The following HSD11B1 variants were observed in gnomAD, a reference collection of about 807,000 sequenced individuals.
HSD11B1 encodes 11-beta-hydroxysteroid dehydrogenase 1.
In HSD11B1, 15 loss-of-function variants were observed where a neutral mutation model predicts 22.1. The observed-to-expected ratio is 0.68, with a 90% CI of 0.45 to 1.04. HSD11B1 has a LOEUF of 1.04. Ranked by LOEUF, HSD11B1 falls within the 50% of genes least tolerant of loss-of-function variation. The pLI, the probability that HSD11B1 is intolerant of heterozygous loss-of-function variation, is 0.00. For missense variants in HSD11B1, 281 were observed against 357.6 expected (o/e 0.79, Z 1.73); for synonymous variants, 122 against 125.2 (o/e 0.97, Z 0.17).
chr1:209,712,342 C>CA (rs201539416), intron 4 of HSD11B1, among the ~76,000 whole-genome samples: 349 of 148,994 alleles, frequency 2.3e-3, no homozygotes, highest in African/African-American at 8.0e-3. Flanking sequence ...AAATGTGGAT[C>CA]AAAAAAAAAT....
At chr1:209,730,278 T>C (rs2077027580) in intron 4 of HSD11B1, among the ~76,000 whole-genome samples, 1 of 152,236 alleles carries the variant, frequency 6.6e-6, no homozygotes, top group South Asian at 2.1e-4. Flanking sequence ...TCTTCAAGAA[T>C]CCAAGGTCAT....
chr1:209,711,337 TG>T (rs1298627690), intron 4 of HSD11B1, among the ~76,000 whole-genome samples: 1 of 151,678 alleles, frequency 6.6e-6, no homozygotes, highest in Non-Finnish European at 1.5e-5. Context: ...TTATTGGGGG[TG>T]GGGGGATCCC....
chr1:209,686,228 GAAGA>G (rs1313563529), upstream of HSD11B1: 1 of 151,990 alleles, frequency 6.6e-6, no homozygotes, highest in East Asian at 1.9e-4. Context: ...AGAGAGAAGA[GAAGA>G]AAAAGAAAAA....
chr1:209,702,530 CTTGAAGGG>C (rs147694067), upstream of HSD11B1, among the ~76,000 whole-genome samples: 3,181 of 152,246 alleles, frequency 0.021, 50 homozygotes, highest in Non-Finnish European at 0.032. Context: ...CTGAGACCCT[CTTGAAGGG>C]TTGAAAGGTC....
In HSD11B1 at chr1:209,720,245, A is replaced by G. The variant is rs570567617; in HGVS notation, c.518-12191A>G. Among the ~76,000 whole-genome samples, 10 of 152,318 alleles carry G rather than the reference A, an allele frequency of 6.6e-5. No individual in the cohort carries two copies. In the South Asian group the frequency reaches 1.9e-3, roughly 28 times the overall value. Reference sequence around the variant, plus strand: ...TCATGGTTTATTAACATCACCAGTAATGGAATAAATTGAAAACATGTATCA... The same window carrying G: ...TCATGGTTTATTAACATCACCAGTAGTGGAATAAATTGAAAACATGTATCA... On this transcript the variant is annotated intron_variant, in intron 4 of 5. Transcript: ENST00000367027.
intron 4 of HSD11B1, among the ~76,000 whole-genome samples, chr1:209,712,741 T>A (rs951662012): frequency 6.6e-6 from 1 of 152,206 alleles, no homozygotes; most frequent in African/African-American, 2.4e-5. Context: ...TGGAAATATG[T>A]ACCAGAAGCC....
intron 5 of HSD11B1, 22 bp from the exon 6 acceptor site, chr1:209,734,282 C>A (rs2077053623): frequency 5.7e-6 from 9 of 1,589,458 alleles, no homozygotes; most frequent in Non-Finnish European, 7.8e-6. Context: ...GATAACCCTA[C>A]TCTTCCCTTG....
chr1:209,719,019 C>CAAAAAAAA lies in HSD11B1; in HGVS notation c.517+11901_517+11908dup, dbSNP rs56342028. On this transcript the variant is annotated intron_variant, in intron 4 of 5. Coordinates refer to ENST00000367027, the MANE Select transcript of HSD11B1 (RefSeq NM_005525.4). ...TGGGTGACACAGTGAGACTCCATCT[C>CAAAAAAAA]AAAAAAAAAAAAAAAAAGGAAAGAA... is the stretch of plus-strand genomic sequence containing the variant. Among the ~76,000 whole-genome samples the CAAAAAAAA allele has an allele frequency of 3.1e-4, 11 of 35,706 alleles. 2 individuals are homozygous for CAAAAAAAA. The highest frequency in any genetic ancestry group is 3.5e-3 in the South Asian group (2 of 572). 23.4% of individuals were successfully genotyped at this position (35,706 alleles called of 152,430 possible). A position where few individuals can be genotyped will look rare whatever the true frequency, so the allele number is the denominator to read the frequency against.
intron 1 of HSD11B1, among the ~76,000 whole-genome samples, chr1:209,697,769 T>C (rs2076799308): frequency 6.6e-6 from 1 of 152,058 alleles, no homozygotes; most frequent in South Asian, 2.1e-4. Context: ...CCTGAGACCA[T>C]TTCTCAGGTT....
chr1:209,723,106 C>T (rs899570280), intron 4 of HSD11B1, among the ~76,000 whole-genome samples: 1 of 152,150 alleles, frequency 6.6e-6, no homozygotes, highest in Non-Finnish European at 1.5e-5. Flanking sequence ...TGTCTGCCTT[C>T]ATCCTTCTAA....
At chr1:209,722,861 A>G (rs2076975056) in intron 4 of HSD11B1, among the ~76,000 whole-genome samples, 1 of 152,214 alleles carries the variant, frequency 6.6e-6, no homozygotes, top group South Asian at 2.1e-4. Flanking sequence ...GCAGTCTAAA[A>G]TCCATCTTTG....
At chr1:209,711,763 C>T (rs142218008) in intron 4 of HSD11B1, among the ~76,000 whole-genome samples, 12 of 152,116 alleles carry the variant, frequency 7.9e-5, no homozygotes, top group Admixed American at 5.2e-4. Flanking sequence ...TTTAAGAGAT[C>T]GTGTTTGGGC....
chr1:209,706,780 C>A lies in HSD11B1; in HGVS notation c.291C>A (p.Thr97=), dbSNP rs1259722507. ...HYIAGTMEDM[T]FAEQFVAQAG... is the part of the protein sequence containing the mutation. Reference sequence around the variant, plus strand: ...TTGCTGGCACCATGGAAGACATGACCTTCGCAGAGCAATTTGTTGCCCAAG... The same window carrying A: ...TTGCTGGCACCATGGAAGACATGACATTCGCAGAGCAATTTGTTGCCCAAG... Residue 97 remains threonine, a synonymous_variant, in exon 3 of 6, where the codon ACC becomes ACA. Transcript: ENST00000367027. This position sits in a 1 kb window ranked among gnomAD's most constrained non-coding sequence, Gnocchi z 4.0. 1 of 1,614,114 alleles carries A rather than the reference C, an allele frequency of 6.2e-7. No individual in the cohort carries two copies. The highest frequency in any genetic ancestry group is 1.7e-5 in the Admixed American group (1 of 60,024).
chr1:209,725,566 G>T (rs1225661934), intron 4 of HSD11B1, among the ~76,000 whole-genome samples: 1 of 152,160 alleles, frequency 6.6e-6, no homozygotes, highest in African/African-American at 2.4e-5. Flanking sequence ...TTCAGTGACT[G>T]CTCACCCAGC....
At position 209,734,650 on chromosome 1, in the gene HSD11B1, G is replaced by C; in HGVS notation, c.*129G>C. ...GACATGCAAGTCATGGGTCACACCT[G>C]ACAAATGGAAGGAGTTCCTCTAACA... On this transcript the variant is annotated 3_prime_UTR_variant, in exon 6 of 6. Transcript: ENST00000367027. 1 of 751,116 alleles carries C rather than the reference G, an allele frequency of 1.3e-6. No individual in the cohort carries two copies. Among genetic ancestry groups the C allele is most frequent in the Admixed American group, 2.0e-5 (1 of 50,528 alleles). 46.5% of individuals were successfully genotyped at this position (751,116 alleles called of 1,614,324 possible). A position where few individuals can be genotyped will look rare whatever the true frequency, so the allele number is the denominator to read the frequency against.
intron 4 of HSD11B1, among the ~76,000 whole-genome samples, chr1:209,710,184 G>C (rs1160648957): frequency 2.0e-5 from 3 of 152,142 alleles, no homozygotes; most frequent in African/African-American, 7.2e-5. Context: ...GAAAACATCT[G>C]GAAAAAAGTT....
chr1:209,692,607 C>G (rs1328437846), intron 1 of HSD11B1, among the ~76,000 whole-genome samples: 8 of 48,246 alleles, frequency 1.7e-4, no homozygotes, highest in East Asian at 9.2e-4. Context: ...ATTAAAATGG[C>G]GGGGGGGGGG....
chr1:209,711,970 G>T (rs1325399736), intron 4 of HSD11B1, among the ~76,000 whole-genome samples: 1 of 152,156 alleles, frequency 6.6e-6, no homozygotes, highest in Non-Finnish European at 1.5e-5. Flanking sequence ...TTCTGGAAAG[G>T]CTCGGCTGAA....
chr1:209,733,384 G>C (rs1041404201), intron 5 of HSD11B1, among the ~76,000 whole-genome samples: 1 of 152,092 alleles, frequency 6.6e-6, no homozygotes, highest in Non-Finnish European at 1.5e-5. Context: ...GGCCATCAGA[G>C]ACAAGGAAAG....
Sources: allele counts gnomAD v4.1 joint callset (sites outside exome capture counted in the v4.1 genomes callset), GRCh38; gene constraint gnomAD v4.1.1; non-coding constraint Gnocchi (gnomAD v3.1); transcripts MANE v1.5; gene names NCBI Gene and HGNC (gene_info 2026-07-23, HGNC 2026-07-21).